Variants in NEDD4 observed in about 807,000 individuals in gnomAD.
NEDD4 encodes NEDD4 E3 ubiquitin protein ligase.
A neutral mutation model predicts 144.9 loss-of-function variants in NEDD4; 99 were observed. That is an observed-to-expected ratio of 0.68 (90% CI 0.58 to 0.81). The LOEUF (loss-of-function observed/expected upper bound fraction) is 0.81, where lower values mean the gene tolerates loss of function less well. Among genes scored for constraint, NEDD4 ranks in the 30% least tolerant of loss-of-function variants. The probability of loss-of-function intolerance (pLI) is 0.00; values close to 1 mark genes in which losing one functional copy is unlikely to be tolerated. For missense variants in NEDD4, 985 were observed against 1,065.9 expected (o/e 0.92, Z 1.06); for synonymous variants, 318 against 350.6 (o/e 0.91, Z 1.04).
At chr15:55,835,369 T>C (rs1341901783) in intron 24 of NEDD4, among the ~76,000 whole-genome samples, 2 of 152,186 alleles carry the variant, frequency 1.3e-5, no homozygotes, top group Non-Finnish European at 2.9e-5. Context: ...TCTTGATACC[T>C]TTTTGTCTGC....
chr15:55,838,044 G>A (rs2033293088), intron 23 of NEDD4, 63 bp downstream of exon 23: 1 of 1,059,880 alleles, frequency 9.4e-7, no homozygotes, highest in African/African-American at 1.6e-5. Flanking sequence ...ATGGTAAGAA[G>A]AGTCTTTCTG....
chr15:55,838,651 C>T (rs1373383504), intron 21 of NEDD4, 47 bp from the exon 22 acceptor site: 1 of 1,310,982 alleles, frequency 7.6e-7, no homozygotes, highest in Non-Finnish European at 1.1e-6. Flanking sequence ...TATAACACAC[C>T]TGAAATTGCA....
At chr15:55,974,625 G>C (rs945345275) in intron 1 of NEDD4, among the ~76,000 whole-genome samples, 2 of 151,790 alleles carry the variant, frequency 1.3e-5, no homozygotes, top group Admixed American at 1.3e-4. Flanking sequence ...ATACACAAAT[G>C]AAAGTCAAAT....
intron 18 of NEDD4, among the ~76,000 whole-genome samples, chr15:55,844,925 A>G (rs2033678174): frequency 6.6e-6 from 1 of 151,694 alleles, no homozygotes; most frequent in South Asian, 2.1e-4. Flanking sequence ...CTCCTGCCTC[A>G]GCCTCCCAAA....
intron 5 of NEDD4, among the ~76,000 whole-genome samples, chr15:55,878,947 C>T (rs1247650291): frequency 6.6e-6 from 1 of 152,180 alleles, no homozygotes; most frequent in East Asian, 1.9e-4. Context: ...CTCAGCCTCG[C>T]AAGTAGCTGA....
intron 19 of NEDD4, among the ~76,000 whole-genome samples, chr15:55,841,271 C>T (rs1282486028): frequency 6.6e-6 from 1 of 152,106 alleles, no homozygotes; most frequent in African/African-American, 2.4e-5. Flanking sequence ...GAATATTATT[C>T]TGCCTTAAAA....
intron 8 of NEDD4, among the ~76,000 whole-genome samples, chr15:55,868,310 A>G (rs1399933096): frequency 6.6e-6 from 1 of 152,142 alleles, no homozygotes; most frequent in Non-Finnish European, 1.5e-5. Context: ...AAGGCAACAA[A>G]TAAGAACCCT....
intron 1 of NEDD4, among the ~76,000 whole-genome samples, chr15:55,969,544 A>T (rs2037573594): frequency 6.6e-6 from 1 of 152,180 alleles, no homozygotes; most frequent in African/African-American, 2.4e-5. Context: ...AGTAGAGGAG[A>T]CTATGTTCTC....
Position 55,993,559 on chromosome 15 carries a change from C to T in NEDD4, c.-4G>A. 1 of 1,593,764 alleles carries T rather than the reference C, an allele frequency of 6.3e-7. No homozygotes were observed. The stretch of plus-strand genomic sequence containing the variant: ...CCTCCACCGCGCAAGTTGCCATTTC[C>T]GAACGCTTCCAGCAAACCGGACGCG... On this transcript the variant is annotated 5_prime_UTR_variant, in exon 1 of 29. Coordinates refer to ENST00000435532, the MANE Select transcript of NEDD4 (RefSeq NM_006154.4).
intron 1 of NEDD4, among the ~76,000 whole-genome samples, chr15:55,981,619 A>ATAAAGTTTT (rs1173918427): frequency 6.6e-6 from 1 of 152,228 alleles, no homozygotes; most frequent in Non-Finnish European, 1.5e-5. Context: ...TTTGACAGTA[A>ATAAAGTTTT]TAACCATAAT....
At chr15:55,833,255 T>G in intron 26 of NEDD4, 151 bp from the exon 27 acceptor site, 2 of 581,404 alleles carry the variant, frequency 3.4e-6, no homozygotes, top group Non-Finnish European at 6.0e-6. Flanking sequence ...TATAGATGGT[T>G]TATAAAGTTC....
chr15:55,926,613 A>T (rs1304270670), intron 4 of NEDD4, among the ~76,000 whole-genome samples: 1 of 144,644 alleles, frequency 6.9e-6, no homozygotes. Flanking sequence ...AAAAATAACA[A>T]AAATTAGCTG....
chr15:55,834,382 C>T, intron 24 of NEDD4, 96 bp from the exon 25 acceptor site: 1 of 727,916 alleles, frequency 1.4e-6, no homozygotes, highest in South Asian at 1.7e-5. Context: ...CCCACATCCA[C>T]ACAAGTTTCT....
Position 55,860,581 on chromosome 15 carries a change from T to C in NEDD4, c.793-7A>G. 6.2e-7 allele frequency: 1 copy of C among 1,614,010 alleles called. No homozygotes were observed. The highest frequency in any genetic ancestry group is 1.1e-5 in the South Asian group (1 of 91,064). On this transcript the variant is annotated splice_region_variant and splice_polypyrimidine_tract_variant and intron_variant, in intron 10 of 28. Transcript: ENST00000435532. ...CTCTTATAATTTCCCAGTTCTAAAATGAACAGAATAAGCTTGAGCCACACA... is the reference window on the plus strand; with the variant it reads ...CTCTTATAATTTCCCAGTTCTAAAACGAACAGAATAAGCTTGAGCCACACA...
At chr15:55,898,874 T>G (rs2035824009) in intron 5 of NEDD4, among the ~76,000 whole-genome samples, 1 of 152,126 alleles carries the variant, frequency 6.6e-6, no homozygotes. Context: ...ACTCCTGGGC[T>G]AAAGTGATCC....
At chr15:55,873,772 C>G (rs550504041) in intron 6 of NEDD4, among the ~76,000 whole-genome samples, 186 bp downstream of exon 6, 5 of 151,782 alleles carry the variant, frequency 3.3e-5, no homozygotes, top group African/African-American at 4.8e-5. Context: ...GGTTCATGAA[C>G]GGAAATCTTA....
chr15:55,989,623 A>G (rs1272242801), intron 1 of NEDD4, among the ~76,000 whole-genome samples: 1 of 152,152 alleles, frequency 6.6e-6, no homozygotes, highest in Non-Finnish European at 1.5e-5. Flanking sequence ...CACTCTCCAT[A>G]CCGATAGCGG....
At chr15:55,902,651 T>C (rs1451850662) in intron 5 of NEDD4, among the ~76,000 whole-genome samples, 2 of 152,202 alleles carry the variant, frequency 1.3e-5, no homozygotes, top group Non-Finnish European at 2.9e-5. Flanking sequence ...AGTTTTAAAA[T>C]ATTTGGGAAA....
intron 2 of NEDD4, among the ~76,000 whole-genome samples, chr15:55,955,959 G>A (rs71476756): frequency 0.045 from 6,821 of 151,762 alleles, 255 homozygotes; most frequent in East Asian, 0.17. Flanking sequence ...GGGACCACAG[G>A]TGTGCATCAC....
Sources: allele counts gnomAD v4.1 joint callset (sites outside exome capture counted in the v4.1 genomes callset), GRCh38; gene constraint gnomAD v4.1.1; transcripts MANE v1.5; gene names NCBI Gene and HGNC (gene_info 2026-07-23, HGNC 2026-07-21).